The following ITFG2 variants were observed in gnomAD, a reference collection of about 807,000 sequenced individuals.
The protein encoded by ITFG2 is KICSTOR complex protein ITFG2.
A neutral mutation model predicts 54.4 loss-of-function variants in ITFG2; 36 were observed. That is an observed-to-expected ratio of 0.66 (90% CI 0.51 to 0.87). The LOEUF is 0.87. ITFG2 is among the 40% of genes least tolerant of loss of function. The probability of loss-of-function intolerance (pLI) is 0.00; values close to 1 mark genes in which losing one functional copy is unlikely to be tolerated. For synonymous variants in ITFG2, 211 were observed against 225.4 expected, an observed-to-expected ratio of 0.94 and a Z score of 0.57; for missense variants, 524 against 576.7, an observed-to-expected ratio of 0.91 and a Z score of 0.94.
chr12:2,848,877 G>GCGCGCA (rs1555092608), intron 2 of ITFG2, among the ~76,000 whole-genome samples: 8 of 140,372 alleles, frequency 5.7e-5, no homozygotes, highest in African/African-American at 1.9e-4. Context: ...ACACACACAC[G>GCGCGCA]CACACACACA....
chr12:2,831,582 T>TA (rs1170327392), downstream of ITFG2, among the ~76,000 whole-genome samples: 2 of 149,296 alleles, frequency 1.3e-5, no homozygotes, highest in African/African-American at 5.0e-5. Flanking sequence ...AGACTCTGTC[T>TA]CAAAAAAAAA....
chr12:2,812,795 T>C lies in ITFG2; in HGVS notation c.35T>C (p.Leu12Pro). 1 of 1,612,676 alleles carries C rather than the reference T, an allele frequency of 6.2e-7. No individual in the cohort carries two copies. The change falls in exon 1 of 12, where the codon CTG becomes CCG. Residue 12 changes from leucine (L) to proline (P), a missense_variant. Coordinates refer to ENST00000228799, the MANE Select transcript of ITFG2 (RefSeq NM_018463.4). ...GTTAGCTACGTGCAGCGCGTGGCGC[T>C]GGAGTTCAGCGGGAGCCTCTTCCCG... The part of the protein sequence containing the change: ...RSVSYVQRVA[L>P]EFSGSLFPHA...
intron 2 of ITFG2, chr12:2,817,702 C>T (rs963457233): frequency 9.6e-6 from 5 of 523,486 alleles, no homozygotes; most frequent in Admixed American, 3.5e-5. Context: ...TTGTCTTAAC[C>T]GCCTCAGGTC....
chr12:2,843,459 G>T (rs961241997), intron 2 of ITFG2, among the ~76,000 whole-genome samples: 1 of 152,222 alleles, frequency 6.6e-6, no homozygotes, highest in South Asian at 2.1e-4. Flanking sequence ...AAGTGCTTTG[G>T]CTCTGTTGAT....
At chr12:2,844,810 G>A (rs1346747734) in intron 2 of ITFG2, among the ~76,000 whole-genome samples, 2 of 152,096 alleles carry the variant, frequency 1.3e-5, no homozygotes, top group Non-Finnish European at 2.9e-5. Context: ...CTATTGTTTG[G>A]GAACCATGTC....
intron 2 of ITFG2, among the ~76,000 whole-genome samples, chr12:2,846,044 G>C (rs544630800): frequency 6.6e-6 from 1 of 152,128 alleles, no homozygotes; most frequent in Non-Finnish European, 1.5e-5. Context: ...CCGGAAGGTC[G>C]CGTGCTTGCT....
At chr12:2,830,830 C>G (rs2097998035) in intron 2 of ITFG2, 1 of 1,613,708 alleles carries the variant, frequency 6.2e-7, no homozygotes, top group Non-Finnish European at 8.5e-7. Context: ...TTTCCCTCCA[C>G]CAGGCGTCTT....
At chr12:2,829,111 G>A (rs549613308), downstream of ITFG2, among the ~76,000 whole-genome samples, 40 of 152,162 alleles carry the variant, frequency 2.6e-4, no homozygotes, top group Middle Eastern at 3.2e-3. Context: ...TGCCAGAAAT[G>A]GAGAAACGGT....
At chr12:2,859,006 T>G in intron 3 of ITFG2, 1 of 1,612,014 alleles carries the variant, frequency 6.2e-7, no homozygotes, top group East Asian at 2.2e-5. Context: ...CCCTGGGAGG[T>G]TTGTACTGGG....
chr12:2,854,388 G>A (rs2098080766), intron 2 of ITFG2, among the ~76,000 whole-genome samples: 1 of 152,206 alleles, frequency 6.6e-6, no homozygotes, highest in Non-Finnish European at 1.5e-5. Flanking sequence ...CTCCCACAGT[G>A]AGGTCGGTAC....
intron 2 of ITFG2, among the ~76,000 whole-genome samples, chr12:2,853,408 G>A (rs982214378): frequency 1.3e-5 from 2 of 152,122 alleles, no homozygotes; most frequent in African/African-American, 4.8e-5. Flanking sequence ...GAGTAGCTGG[G>A]ATTACAGGCG....
At chr12:2,835,009 A>G (rs761645784), upstream of ITFG2, 13 of 1,524,760 alleles carry the variant, frequency 8.5e-6, no homozygotes, top group Middle Eastern at 1.8e-4. Flanking sequence ...TCAGTCTCCA[A>G]TTTCCCGAGA....
chr12:2,855,578 C>T, intron 2 of ITFG2: 1 of 618,532 alleles, frequency 1.6e-6, no homozygotes, highest in Non-Finnish European at 2.5e-6. Flanking sequence ...CGCAGAAGTC[C>T]TGGCAGGGCC....
chr12:2,820,967 C>A, intron 6 of ITFG2, 95 bp downstream of exon 6: 1 of 1,330,508 alleles, frequency 7.5e-7, no homozygotes, highest in Non-Finnish European at 1.0e-6. Flanking sequence ...CTGCAGTTGG[C>A]AGAGCTGCCT....
chr12:2,812,886 C>G (rs940663069), intron 1 of ITFG2, 30 bp downstream of exon 1: 28 of 1,578,056 alleles, frequency 1.8e-5, no homozygotes, highest in Non-Finnish European at 2.1e-5. Flanking sequence ...AAGAGACAGC[C>G]TGGATCTGTG....
Position 2,817,879 on chromosome 12 carries a change from TCTCCCTGAGC to T in ITFG2, c.193-23_193-14del. 2 of 1,608,012 alleles carry T rather than the reference TCTCCCTGAGC, an allele frequency of 1.2e-6. No individual in the cohort carries two copies. The highest frequency in any genetic ancestry group is 1.7e-6 in the Non-Finnish European group (2 of 1,177,488). Reference sequence around the variant, plus strand: ...CAGGGAGTACTGGTCTCCCTTAGCGTCTCCCTGAGCCTCCCTTTCTCTCTTACAGCTGACT... The same window carrying T: ...CAGGGAGTACTGGTCTCCCTTAGCGTCTCCCTTTCTCTCTTACAGCTGACT... On this transcript the variant is annotated intron_variant, in intron 2 of 11. Coordinates refer to ENST00000228799, the MANE Select transcript of ITFG2 (RefSeq NM_018463.4).
chr12:2,851,717 C>G (rs957365198), intron 2 of ITFG2, among the ~76,000 whole-genome samples: 3 of 151,686 alleles, frequency 2.0e-5, no homozygotes, highest in Non-Finnish European at 2.9e-5. Context: ...CTTGATCTGT[C>G]ACCCAGGCTG....
At chr12:2,827,091 G>A, downstream of ITFG2, 1 of 1,539,400 alleles carries the variant, frequency 6.5e-7, no homozygotes, top group South Asian at 1.2e-5. This position sits in a 1 kb window ranked among gnomAD's most constrained non-coding sequence, Gnocchi z 4.0. Flanking sequence ...TCAGGGAGGT[G>A]ATTGGAAGGG....
chr12:2,839,160 C>T (rs1016540608), intron 1 of ITFG2, among the ~76,000 whole-genome samples: 4 of 152,006 alleles, frequency 2.6e-5, no homozygotes, highest in African/African-American at 7.3e-5. Context: ...GGCATAGTGG[C>T]GCATGCCTGT....
Sources: gnomAD v4.1 joint callset for allele counts (sites outside exome capture counted in the v4.1 genomes callset) on GRCh38, gnomAD v4.1.1 for gene constraint, Gnocchi (gnomAD v3.1) non-coding constraint, MANE v1.5 for transcripts, NCBI Gene and HGNC (gene_info 2026-07-23, HGNC 2026-07-21) for gene names.